PHKB: variants seen among roughly 807,000 people sequenced by gnomAD.
PHKB encodes phosphorylase b kinase regulatory subunit beta.
In PHKB, 122 loss-of-function variants were observed where a neutral mutation model predicts 152.1. That is an observed-to-expected ratio of 0.80 (90% CI 0.69 to 0.93). The LOEUF is 0.93. Among genes scored for constraint, PHKB ranks in the 40% least tolerant of loss-of-function variants. The pLI, the probability that PHKB is intolerant of heterozygous loss-of-function variation, is 0.00. For missense variants in PHKB, 1,304 were observed against 1,328.4 expected (o/e 0.98, Z 0.29); for synonymous variants, 436 against 464.9 (o/e 0.94, Z 0.80).
intron 13 of PHKB, among the ~76,000 whole-genome samples, chr16:47,603,638 G>T (rs185748568): frequency 6.6e-6 from 1 of 151,664 alleles, no homozygotes; most frequent in African/African-American, 2.4e-5. Flanking sequence ...CAAGTAGCTG[G>T]GGCTACAGGT....
chr16:47,695,096 C>T (rs1974124932), intron 28 of PHKB, among the ~76,000 whole-genome samples: 2 of 152,172 alleles, frequency 1.3e-5, no homozygotes, highest in African/African-American at 4.8e-5. Context: ...CAAGGTCACA[C>T]ATCTAGTAAG....
chr16:47,640,119 C>T (rs1656498133), intron 14 of PHKB, among the ~76,000 whole-genome samples: 1 of 152,142 alleles, frequency 6.6e-6, no homozygotes, highest in Non-Finnish European at 1.5e-5. Flanking sequence ...ATGGTATTTA[C>T]TGCTGATATA....
At chr16:47,640,542 A>G (rs1319941671) in intron 14 of PHKB, among the ~76,000 whole-genome samples, 1 of 152,218 alleles carries the variant, frequency 6.6e-6, no homozygotes, top group East Asian at 1.9e-4. Flanking sequence ...AGAATTATAT[A>G]TTAGAATAAA....
intron 6 of PHKB, among the ~76,000 whole-genome samples, chr16:47,522,699 T>G (rs867268731): frequency 6.6e-6 from 1 of 152,066 alleles, no homozygotes; most frequent in South Asian, 2.1e-4. Context: ...TTCCCTCTAC[T>G]TATCTGCATG....
In PHKB at chr16:47,698,605, T is replaced by TC. The variant is rs1291880984; in HGVS notation, c.3144+17_3144+18insC. 8.9e-5 allele frequency: 133 copies of TC among 1,495,640 alleles called. No homozygotes were observed. The highest frequency in any genetic ancestry group is 7.9e-4 in the Admixed American group (37 of 47,116). The allele number at this position is 1,495,640 out of a possible 1,614,324, so 92.6% of individuals were successfully genotyped here. A position where few individuals can be genotyped will look rare whatever the true frequency, so the allele number is the denominator to read the frequency against. ...GAAAAACAAGTAAGTACACAGCTTT[T>TC]TTTTTTTTTTTTTTTTTGAGAATTT... On this transcript the variant is annotated intron_variant, in intron 30 of 30. Transcript: ENST00000323584.
chr16:47,524,794 A>G (rs781166836), intron 6 of PHKB, among the ~76,000 whole-genome samples: 31 of 152,118 alleles, frequency 2.0e-4, no homozygotes, highest in Non-Finnish European at 4.1e-4. Flanking sequence ...CTTTGAGGAT[A>G]TTTTTTCCAG....
intron 1 of PHKB, among the ~76,000 whole-genome samples, chr16:47,488,477 T>C (rs1970087949): frequency 6.6e-6 from 1 of 152,192 alleles, no homozygotes; most frequent in African/African-American, 2.4e-5. Flanking sequence ...GTTTTTGTTT[T>C]TGTTGCAATT....
At chr16:47,580,510 G>T (rs558614680) in intron 8 of PHKB, 152 bp downstream of exon 8, 10 of 533,186 alleles carry the variant, frequency 1.9e-5, no homozygotes, top group Non-Finnish European at 3.3e-5. Flanking sequence ...AAAATGATTT[G>T]CCAGTTAAAT....
At chr16:47,472,589 T>A (rs1044000467) in intron 1 of PHKB, among the ~76,000 whole-genome samples, 9 of 152,126 alleles carry the variant, frequency 5.9e-5, no homozygotes, top group African/African-American at 1.9e-4. Context: ...GAGACCATTC[T>A]GGCTAACACA....
At chr16:47,483,247 T>A (rs1597019480) in intron 1 of PHKB, among the ~76,000 whole-genome samples, 2 of 151,148 alleles carry the variant, frequency 1.3e-5, no homozygotes, top group African/African-American at 4.9e-5. Flanking sequence ...GCGGTTTCAC[T>A]ATGTTGGCCA....
At chr16:47,641,543 C>G (rs1973021392) in intron 15 of PHKB, 56 bp from the exon 16 acceptor site, 1 of 897,558 alleles carries the variant, frequency 1.1e-6, no homozygotes, top group South Asian at 1.3e-5. Context: ...TTCACTGCTT[C>G]CTAAACTGTA....
chr16:47,681,350 GTC>G (rs1973851278), intron 26 of PHKB, among the ~76,000 whole-genome samples: 1 of 148,510 alleles, frequency 6.7e-6, no homozygotes, highest in African/African-American at 2.4e-5. Context: ...TCGTTGATCT[GTC>G]AAATGTTGAC....
intron 4 of PHKB, among the ~76,000 whole-genome samples, chr16:47,509,549 G>T (rs1482001412): frequency 6.6e-6 from 1 of 152,150 alleles, no homozygotes; most frequent in African/African-American, 2.4e-5. Context: ...GAGCAATACA[G>T]TACCCACTAG....
intron 7 of PHKB, among the ~76,000 whole-genome samples, chr16:47,560,043 C>A (rs1971449876): frequency 6.6e-6 from 1 of 152,212 alleles, no homozygotes; most frequent in African/African-American, 2.4e-5. Context: ...TGGCAGGGAA[C>A]CTTCACTAGC....
chr16:47,505,638 G>A (rs1246988208), intron 4 of PHKB: 1 of 152,130 alleles, frequency 6.6e-6, no homozygotes, highest in African/African-American at 2.4e-5. Flanking sequence ...TCCAACTTCT[G>A]TATTTTAGCA....
rs1160518917 is a variant in PHKB at position 47,694,604 on chromosome 16, A to T, written c.2895+1097A>T. On this transcript the variant is annotated intron_variant, in intron 28 of 30. Coordinates refer to ENST00000323584, the MANE Select transcript of PHKB (RefSeq NM_000293.3). ...TTAAAAAAAATGCATAAAAACTTTT[A>T]AAAAGTATTTATACTGTTCACAGAC... Among the ~76,000 whole-genome samples the T allele has an allele frequency of 2.6e-5, 4 of 152,358 alleles. No individual in the cohort carries two copies. In the South Asian group the frequency reaches 8.3e-4, roughly 32 times the overall value.
At chr16:47,479,211 T>G (rs1969922622) in intron 1 of PHKB, among the ~76,000 whole-genome samples, 1 of 152,194 alleles carries the variant, frequency 6.6e-6, no homozygotes, top group African/African-American at 2.4e-5. Context: ...TGATTGTGAT[T>G]GTGAGAGTTG....
chr16:47,648,605 G>A lies in PHKB; in HGVS notation c.1681G>A (p.Gly561Arg), dbSNP rs561190961. 16 of 1,610,462 alleles carry A rather than the reference G, an allele frequency of 9.9e-6. No homozygotes were observed. In the African/African-American group the frequency reaches 1.3e-4, roughly 13 times the overall value. ...GCCAGACAGGCCCATTGGCTGCCTC[G>A]GGACATCAAAGGTACTCATGAAATG... is the stretch of plus-strand genomic sequence containing the variant. ...GRPDRPIGCL[G>R]TSKIYRILGK... Residue 561 changes from glycine (G) to arginine (R), a missense_variant, in exon 17 of 31, where the codon GGG becomes AGG. By Grantham distance (125) the Gly-to-Arg change is moderately radical. Coordinates refer to ENST00000323584, the MANE Select transcript of PHKB (RefSeq NM_000293.3).
chr16:47,654,922 T>G (rs905511333), intron 20 of PHKB, among the ~76,000 whole-genome samples: 7 of 151,500 alleles, frequency 4.6e-5, no homozygotes, highest in Non-Finnish European at 1.0e-4. Flanking sequence ...CTGCATGTTG[T>G]GCACATGTAC....
Sources: allele counts gnomAD v4.1 joint callset (sites outside exome capture counted in the v4.1 genomes callset), GRCh38; gene constraint gnomAD v4.1.1; transcripts MANE v1.5; gene names NCBI Gene and HGNC (gene_info 2026-07-23, HGNC 2026-07-21).